Variants in NTM observed in about 807,000 individuals in gnomAD.
NTM encodes IgLON family member 2.
Under a neutral mutation model 42.1 loss-of-function variants are expected in NTM, and 13 were observed. The ratio of observed to expected loss-of-function variants is 0.31; its 90% CI spans 0.20 to 0.49. The LOEUF is 0.49. Among genes scored for constraint, NTM ranks in the 20% least tolerant of loss-of-function variants. NTM has a pLI of 0.99. For missense variants in NTM, 373 were observed against 452.8 expected (o/e 0.82, Z 1.60); for synonymous variants, 187 against 179.2 (o/e 1.04, Z -0.35).
At position 132,140,798 on chromosome 11, in the gene NTM, G is replaced by C. The variant is rs77523486; in HGVS notation, c.168-5484G>C. 3.8e-3 allele frequency among the ~76,000 whole-genome samples: 577 copies of C among 152,274 alleles called. 4 individuals are homozygous for C. The highest frequency in any genetic ancestry group is 0.013 in the African/African-American group (556 of 41,548). ...GTGTGGGTATTTCTGAGCCATTTGC[G>C]TCGTGATGTTCCCCTATGATGCTTG... is the stretch of plus-strand genomic sequence containing the variant. On this transcript the variant is annotated intron_variant, in intron 2 of 8. Transcript: ENST00000683400.
chr11:132,055,040 G>GTT (rs2079407034), intron 2 of NTM, among the ~76,000 whole-genome samples: 1 of 152,228 alleles, frequency 6.6e-6, no homozygotes, highest in Non-Finnish European at 1.5e-5. Flanking sequence ...GAAAACCACT[G>GTT]TTACATCTAC....
chr11:132,060,008 C>T (rs180833228), intron 2 of NTM, among the ~76,000 whole-genome samples: 4 of 152,242 alleles, frequency 2.6e-5, no homozygotes, highest in Admixed American at 6.5e-5. Context: ...CTGTAGCTCT[C>T]CAGGATCCCC....
At chr11:131,862,699 T>C (rs1353795098) in intron 1 of NTM, among the ~76,000 whole-genome samples, 1 of 152,238 alleles carries the variant, frequency 6.6e-6, no homozygotes, top group East Asian at 1.9e-4. Context: ...AGGCTGTGAC[T>C]TTTCTGCTTT....
At chr11:132,173,804 C>T (rs1001796434) in intron 3 of NTM, among the ~76,000 whole-genome samples, 5 of 152,326 alleles carry the variant, frequency 3.3e-5, no homozygotes, top group African/African-American at 4.8e-5. Flanking sequence ...GATACTGTTG[C>T]TTCCACTCTC....
chr11:131,396,281 A>C (rs543721222), intron 1 of NTM, among the ~76,000 whole-genome samples: 1 of 152,290 alleles, frequency 6.6e-6, no homozygotes, highest in South Asian at 2.1e-4. Flanking sequence ...AATCTATAAA[A>C]TATTAACTGG....
rs534707786 is a variant in NTM at position 131,714,352 on chromosome 11, C to A, written c.83-197212C>A. ...TTCAGGCATGCACTACCATGCCTGG[C>A]TAATTTTTTTGTATTTTTAGTAGAG... On this transcript the variant is annotated intron_variant, in intron 1 of 8. Transcript: ENST00000683400. Among the ~76,000 whole-genome samples, 18 of 152,124 alleles carry A rather than the reference C, an allele frequency of 1.2e-4. No homozygotes were observed. The South Asian group carries it at 3.7e-3, about 32-fold the overall frequency.
chr11:131,480,282 C>T (rs937015286), intron 1 of NTM, among the ~76,000 whole-genome samples: 3 of 152,092 alleles, frequency 2.0e-5, no homozygotes, highest in African/African-American at 7.2e-5. Flanking sequence ...CATTGATGTA[C>T]CAGCACAATG....
At chr11:132,134,760 TC>T (rs2067554144) in intron 2 of NTM, among the ~76,000 whole-genome samples, 1 of 123,780 alleles carries the variant, frequency 8.1e-6, no homozygotes, top group Non-Finnish European at 1.7e-5. Flanking sequence ...TATATATATA[TC>T]TCACATTTTC....
intron 4 of NTM, among the ~76,000 whole-genome samples, chr11:132,242,212 G>A (rs1013260914): frequency 6.6e-6 from 1 of 152,190 alleles, no homozygotes; most frequent in Non-Finnish European, 1.5e-5. Context: ...TGGAAGTCAA[G>A]CTGTCTTGAT....
At chr11:131,943,104 G>A (rs774262620) in intron 2 of NTM, among the ~76,000 whole-genome samples, 2 of 152,176 alleles carry the variant, frequency 1.3e-5, no homozygotes, top group Non-Finnish European at 2.9e-5. Context: ...AGCCTAGCAT[G>A]TTCACTGTGG....
intron 2 of NTM, among the ~76,000 whole-genome samples, chr11:131,957,992 T>C (rs2061735859): frequency 1.3e-5 from 2 of 152,170 alleles, no homozygotes; most frequent in South Asian, 2.1e-4. Context: ...GCAGGCTTCA[T>C]GGTTGATTGC....
At chr11:131,473,701 G>A (rs148534538) in intron 1 of NTM, among the ~76,000 whole-genome samples, 9 of 152,224 alleles carry the variant, frequency 5.9e-5, no homozygotes, top group African/African-American at 2.2e-4. Context: ...TGGTGGAGAG[G>A]GAGGGGCTCA....
chr11:131,968,963 C>T (rs2063193266), intron 2 of NTM, among the ~76,000 whole-genome samples: 1 of 152,148 alleles, frequency 6.6e-6, no homozygotes, highest in Admixed American at 6.5e-5. Flanking sequence ...GGGATGCTAC[C>T]TCTATACCTG....
intron 1 of NTM, among the ~76,000 whole-genome samples, chr11:131,421,801 G>A (rs1947560265): frequency 6.6e-6 from 1 of 152,158 alleles, no homozygotes; most frequent in Non-Finnish European, 1.5e-5. Context: ...TGATTATTTG[G>A]GGTTAGCTAT....
intron 1 of NTM, among the ~76,000 whole-genome samples, chr11:131,809,591 T>C (rs59075689): frequency 0.021 from 3,266 of 152,332 alleles, 110 homozygotes; most frequent in African/African-American, 0.074. Flanking sequence ...TCCCTAGATA[T>C]GTTCCTCCTC....
At chr11:132,105,204 G>A (rs1018098147) in intron 2 of NTM, among the ~76,000 whole-genome samples, 1 of 151,380 alleles carries the variant, frequency 6.6e-6, no homozygotes, top group Non-Finnish European at 1.5e-5. Flanking sequence ...GAAGGAGCAC[G>A]AGTTGAGACC....
intron 1 of NTM, among the ~76,000 whole-genome samples, chr11:131,686,488 G>A (rs1045010163): frequency 1.8e-4 from 27 of 152,078 alleles, no homozygotes; most frequent in African/African-American, 5.6e-4. Context: ...CTTCATCCTC[G>A]CCATGTTCAC....
At chr11:131,716,487 C>A (rs1363748606) in intron 1 of NTM, among the ~76,000 whole-genome samples, 1 of 152,164 alleles carries the variant, frequency 6.6e-6, no homozygotes, top group Non-Finnish European at 1.5e-5. Context: ...TTCCCACCAG[C>A]AGTATATGAC....
intron 2 of NTM, among the ~76,000 whole-genome samples, chr11:131,925,213 G>T (rs948661083): frequency 2.0e-5 from 3 of 152,104 alleles, no homozygotes; most frequent in Admixed American, 6.5e-5. Context: ...ATGGCTGGAG[G>T]TCACTTATTT....
Sources: allele counts gnomAD v4.1 joint callset (sites outside exome capture counted in the v4.1 genomes callset), GRCh38; gene constraint gnomAD v4.1.1; transcripts MANE v1.5; gene names NCBI Gene and HGNC (gene_info 2026-07-23, HGNC 2026-07-21).